The following ESYT3 variants were observed in gnomAD, a reference collection of about 807,000 sequenced individuals.
ESYT3 encodes extended synaptotagmin-3.
Under a neutral mutation model 111.5 loss-of-function variants are expected in ESYT3, and 101 were observed. The observed-to-expected ratio is 0.91, with a 90% CI of 0.77 to 1.07. The LOEUF (loss-of-function observed/expected upper bound fraction) is 1.07, where lower values mean the gene tolerates loss of function less well. Ranked by LOEUF, ESYT3 falls within the 50% of genes least tolerant of loss-of-function variation. The pLI, the probability that ESYT3 is intolerant of heterozygous loss-of-function variation, is 0.00. For synonymous variants in ESYT3, 416 were observed against 446.8 expected, an observed-to-expected ratio of 0.93 and a Z score of 0.87; for missense variants, 1,097 against 1,109.4, an observed-to-expected ratio of 0.99 and a Z score of 0.16.
At chr3:138,454,906 T>G (rs777661419) in intron 2 of ESYT3, among the ~76,000 whole-genome samples, 4 of 152,242 alleles carry the variant, frequency 2.6e-5, no homozygotes, top group Admixed American at 6.5e-5. Context: ...TTTCTAATAA[T>G]AAATGTAGTG....
At chr3:138,473,290 C>T (rs928961847) in intron 18 of ESYT3, 55 of 682,984 alleles carry the variant, frequency 8.1e-5, no homozygotes, top group Non-Finnish European at 1.2e-4. Context: ...CATCCAAGGT[C>T]CCAAAAGGAA....
intron 2 of ESYT3, among the ~76,000 whole-genome samples, chr3:138,454,277 C>T (rs928311015): frequency 2.6e-5 from 4 of 151,328 alleles, no homozygotes; most frequent in Non-Finnish European, 1.5e-5. Context: ...GTGGCTCACA[C>T]CTGTAATCCC....
chr3:138,473,215 C>A (rs2033322686), intron 18 of ESYT3: 1 of 991,856 alleles, frequency 1.0e-6, no homozygotes, highest in Non-Finnish European at 1.3e-6. Flanking sequence ...TAGCATGTTA[C>A]CTGATTTAAT....
chr3:138,462,276 TGTG>T, intron 8 of ESYT3, 70 bp downstream of exon 8: 2 of 1,601,528 alleles, frequency 1.2e-6, no homozygotes, highest in African/African-American at 1.3e-5. Flanking sequence ...AGCCTTCACA[TGTG>T]GTGCATTGGC....
At chr3:138,474,570 C>A in intron 20 of ESYT3, 1 of 415,244 alleles carries the variant, frequency 2.4e-6, no homozygotes, top group Admixed American at 4.0e-5. Flanking sequence ...CTCATAGAGG[C>A]TAAAGTGTTC....
In ESYT3 at chr3:138,452,070, G is replaced by A. The variant is rs2031972517; in HGVS notation, c.350G>A (p.Arg117Gln). ...PAWIHFPDVERVEWANKIISQ... is the reference protein window; with the variant it reads ...PAWIHFPDVEQVEWANKIISQ... ...TAGATCCACTTCCCGGACGTGGAGCGGGTCGAGTGGGCCAACAAGGTAAGG... is the reference window on the plus strand; with the variant it reads ...TAGATCCACTTCCCGGACGTGGAGCAGGTCGAGTGGGCCAACAAGGTAAGG... Residue 117 changes from arginine to glutamine, a missense_variant, in exon 2 of 23, where the codon CGG becomes CAG. Coordinates refer to ENST00000389567, the MANE Select transcript of ESYT3 (RefSeq NM_031913.5). The A allele has an allele frequency of 1.9e-6, 3 of 1,613,008 alleles. No homozygotes were observed. The East Asian group carries it at 6.7e-5, about 36-fold the overall frequency.
At chr3:138,469,184 C>T (rs1254490573) in intron 14 of ESYT3, 35 of 593,612 alleles carry the variant, frequency 5.9e-5, no homozygotes, top group Non-Finnish European at 4.8e-5. Context: ...GGAACGAGAG[C>T]CTGTGCCTGG....
At chr3:138,473,394 C>A in intron 18 of ESYT3, 142 bp from the exon 19 acceptor site, 1 of 748,758 alleles carries the variant, frequency 1.3e-6, no homozygotes, top group Non-Finnish European at 2.1e-6. Flanking sequence ...AACTGAATTC[C>A]ATCTGAAAGT....
intron 10 of ESYT3, among the ~76,000 whole-genome samples, chr3:138,466,520 G>C (rs763862221): frequency 2.0e-5 from 3 of 152,130 alleles, no homozygotes; most frequent in Admixed American, 6.5e-5. Flanking sequence ...TGGCTTGTGG[G>C]TCATGCTTTA....
intron 9 of ESYT3, 137 bp downstream of exon 9, chr3:138,464,652 C>A: frequency 1.0e-6 from 1 of 962,524 alleles, no homozygotes. Flanking sequence ...ATCTACCAGG[C>A]TTCCAGACTG....
Position 138,457,591 on chromosome 3 carries a change from G to A in ESYT3, c.528G>A (p.Lys176=). Residue 176 remains lysine (K), a synonymous_variant, in exon 4 of 23, where the codon AAG becomes AAA. Coordinates refer to ENST00000389567, the MANE Select transcript of ESYT3 (RefSeq NM_031913.5). ...GQKCPRVNGV[K]AHTNTCNRRR... is the part of the protein sequence containing the mutation. ...AGTGTCCCAGGGTCAACGGTGTCAA[G>A]GCACACACTAATACGTGCAACCGAA... The A allele has an allele frequency of 6.2e-7, 1 of 1,614,160 alleles. No homozygotes were observed. The highest frequency in any genetic ancestry group is 8.5e-7 in the Non-Finnish European group (1 of 1,180,032).
At position 138,476,908 on chromosome 3, in the gene ESYT3, A is replaced by AT. The variant is rs1268700669; in HGVS notation, c.*60dup. ...TATTAAAATGTATATATATGTATAT[A>AT]TTTTTTCCTTTGGATCACTTACATC... On this transcript the variant is annotated 3_prime_UTR_variant, in exon 23 of 23. Coordinates refer to ENST00000389567, the MANE Select transcript of ESYT3 (RefSeq NM_031913.5). 1.6e-5 allele frequency: 23 copies of AT among 1,469,220 alleles called. No individual in the cohort carries two copies. In the Admixed American group the frequency reaches 2.0e-4, roughly 12 times the overall value. The allele number at this position is 1,469,220 out of a possible 1,614,324, so 91.0% of individuals were successfully genotyped here.
rs938910944 is a variant in ESYT3, at chr3:138,479,835, G to T, written c.*2981G>T. On this transcript the variant is annotated 3_prime_UTR_variant, in exon 23 of 23. Coordinates refer to ENST00000389567, the MANE Select transcript of ESYT3 (RefSeq NM_031913.5). ...CACTCTCCCTTACCCCTGGGGGTAA[G>T]GATCTGCATCCTGAAGTTGATATTC... 6.6e-6 allele frequency: 1 copy of T among 152,148 alleles called. No individual in the cohort carries two copies. Among genetic ancestry groups the T allele is most frequent in the Non-Finnish European group, 1.5e-5 (1 of 68,022 alleles). 9.4% of individuals were successfully genotyped at this position (152,148 alleles called of 1,614,324 possible). A position where few individuals can be genotyped will look rare whatever the true frequency, so the allele number is the denominator to read the frequency against.
rs549875342 is a variant in ESYT3 at position 138,471,344 on chromosome 3, C to T, written c.1740+318C>T. On this transcript the variant is annotated intron_variant, in intron 17 of 22. Transcript: ENST00000389567. ...TTCTCTGTATTCATGGTGGTACATTCTAATTCTCTCAAGAGCTATCTTCCA... is the reference window on the plus strand; with the variant it reads ...TTCTCTGTATTCATGGTGGTACATTTTAATTCTCTCAAGAGCTATCTTCCA... 5.9e-5 allele frequency among the ~76,000 whole-genome samples: 9 copies of T among 152,310 alleles called. No homozygotes were observed. In the East Asian group the frequency reaches 1.5e-3, roughly 26 times the overall value.
chr3:138,462,624 C>T (rs2032710364), intron 8 of ESYT3, among the ~76,000 whole-genome samples: 1 of 152,244 alleles, frequency 6.6e-6, no homozygotes, highest in South Asian at 2.1e-4. Flanking sequence ...GTTCCCTCCA[C>T]CTACTCCCCA....
In ESYT3 at chr3:138,476,328, AGT is replaced by A; in HGVS notation, c.2574+1_2574+2del. 6.2e-7 allele frequency: 1 copy of A among 1,611,122 alleles called. No individual in the cohort carries two copies. The highest frequency in any genetic ancestry group is 1.3e-5 in the African/African-American group (1 of 74,994). ...CACACAGAAGAAAGGAGTTAGGAAA[AGT>A]AAGTACAAGAGATATTTGATATACC... On this transcript the variant is annotated splice_donor_variant, in intron 21 of 22. Transcript: ENST00000389567. LOFTEE classifies it high-confidence loss of function.
intron 1 of ESYT3, among the ~76,000 whole-genome samples, chr3:138,445,434 G>A (rs923698788): frequency 1.3e-5 from 2 of 152,208 alleles, no homozygotes; most frequent in African/African-American, 4.8e-5. Flanking sequence ...AGCTCTCTGC[G>A]GCTGTCTTTA....
rs556977305 is a variant in ESYT3 at position 138,434,729 on chromosome 3, C to T, written c.-70C>T. The T allele has an allele frequency of 3.8e-6, 5 of 1,322,386 alleles. No homozygotes were observed. In the South Asian group the frequency reaches 6.2e-5, roughly 16 times the overall value. 81.9% of individuals were successfully genotyped at this position (1,322,386 alleles called of 1,614,324 possible). On this transcript the variant is annotated 5_prime_UTR_variant, in exon 1 of 23. Transcript: ENST00000389567. Reference sequence around the variant, plus strand: ...TCCTCGAGCTTGGGAGACAGATGCGCATGGGCGTGGGGGCATGCGGACCTA... The same window carrying T: ...TCCTCGAGCTTGGGAGACAGATGCGTATGGGCGTGGGGGCATGCGGACCTA...
chr3:138,457,778 C>G (rs533704498), intron 4 of ESYT3, 134 bp downstream of exon 4: 2 of 807,910 alleles, frequency 2.5e-6, no homozygotes, highest in African/African-American at 1.7e-5. Context: ...CCCCTCCTCC[C>G]AGCTTCTCCC....
Sources: gnomAD v4.1 joint callset for allele counts (sites outside exome capture counted in the v4.1 genomes callset) on GRCh38, gnomAD v4.1.1 for gene constraint, MANE v1.5 for transcripts, NCBI Gene and HGNC (gene_info 2026-07-23, HGNC 2026-07-21) for gene names.